The following FREM2 variants were observed in gnomAD, a reference collection of about 807,000 sequenced individuals.
FREM2 encodes FRAS1-related extracellular matrix protein 2.
Under a neutral mutation model 219.9 loss-of-function variants are expected in FREM2, and 119 were observed. The observed-to-expected ratio is 0.54, with a 90% CI of 0.47 to 0.63. FREM2 has a LOEUF of 0.63. Among genes scored for constraint, FREM2 ranks in the 30% least tolerant of loss-of-function variants. FREM2 has a pLI of 0.00. For missense variants in FREM2, 4,030 were observed against 3,993.6 expected (o/e 1.01, Z -0.25); for synonymous variants, 1,562 against 1,522.8 (o/e 1.03, Z -0.60).
chr13:38,726,844 A>G (rs1289936746), intron 2 of FREM2, among the ~76,000 whole-genome samples: 1 of 152,220 alleles, frequency 6.6e-6, no homozygotes, highest in Non-Finnish European at 1.5e-5. Flanking sequence ...CATTATGAAT[A>G]CAATGTACTT....
At chr13:38,826,411 A>G (rs1593431211) in intron 6 of FREM2, among the ~76,000 whole-genome samples, 1 of 152,238 alleles carries the variant, frequency 6.6e-6, no homozygotes, top group Admixed American at 6.5e-5. Context: ...ACAACAACGC[A>G]AGGAAGCAAT....
intron 6 of FREM2, among the ~76,000 whole-genome samples, chr13:38,830,500 A>G (rs1400778491): frequency 6.6e-6 from 1 of 152,176 alleles, no homozygotes; most frequent in Non-Finnish European, 1.5e-5. Context: ...TCCATCCACC[A>G]TGCTTGGTTT....
At chr13:38,793,460 C>T (rs1874642271) in intron 6 of FREM2, among the ~76,000 whole-genome samples, 1 of 152,072 alleles carries the variant, frequency 6.6e-6, no homozygotes, top group Non-Finnish European at 1.5e-5. Flanking sequence ...GGGATGCCTC[C>T]GTGGAACTGA....
intron 2 of FREM2, among the ~76,000 whole-genome samples, chr13:38,760,909 G>C (rs9603418): frequency 1.3e-5 from 2 of 152,002 alleles, no homozygotes; most frequent in Non-Finnish European, 2.9e-5. Flanking sequence ...GAATAAAGGG[G>C]TAGAGAGGGC....
intron 2 of FREM2, among the ~76,000 whole-genome samples, chr13:38,724,630 A>C (rs1164320385): frequency 6.6e-6 from 1 of 152,222 alleles, no homozygotes; most frequent in African/African-American, 2.4e-5. Flanking sequence ...TTAAACAAAA[A>C]AGTAAATTTA....
rs1283687227 is a variant in FREM2, at chr13:38,880,561, A to T, written c.9284A>T (p.Asp3095Val). The T allele has an allele frequency of 5.0e-6, 8 of 1,614,160 alleles. No homozygotes were observed. The highest frequency in any genetic ancestry group is 1.3e-5 in the African/African-American group (1 of 75,062). Residue 3095 changes from aspartate (D) to valine (V), a missense_variant, in exon 24 of 24, where the codon GAT (aspartate) becomes GTT (valine). By Grantham distance (152) the Asp-to-Val change is radical. Around this residue, in one of 2 missense-constraint regions of FREM2, gnomAD observed 928 missense variants for 1,042.9 expected, o/e 0.89. Transcript: ENST00000280481. Reference sequence around the variant, plus strand: ...ATCCCCCATGGGAGAGCACCTCCAGATGGCATCCTCCCCTGGGAGCTCAAC... The same window carrying T: ...ATCCCCCATGGGAGAGCACCTCCAGTTGGCATCCTCCCCTGGGAGCTCAAC... ...RQIPHGRAPP[D>V]GILPWELNSP... is the part of the protein sequence containing the mutation.
intron 2 of FREM2, among the ~76,000 whole-genome samples, chr13:38,718,822 C>A (rs760765558): frequency 3.3e-5 from 5 of 152,206 alleles, no homozygotes; most frequent in Non-Finnish European, 5.9e-5. Context: ...TAGGAAACAG[C>A]ATGTATTAAA....
At chr13:38,736,069 C>T (rs1160357223) in intron 2 of FREM2, among the ~76,000 whole-genome samples, 1 of 152,142 alleles carries the variant, frequency 6.6e-6, no homozygotes, top group African/African-American at 2.4e-5. Context: ...TCAGTGTATC[C>T]TAACCGCCCC....
At chr13:38,720,446 C>G (rs990850488) in intron 2 of FREM2, among the ~76,000 whole-genome samples, 1 of 152,146 alleles carries the variant, frequency 6.6e-6, no homozygotes, top group Non-Finnish European at 1.5e-5. Flanking sequence ...CAGACAGATT[C>G]TAATTGCATC....
intron 6 of FREM2, among the ~76,000 whole-genome samples, chr13:38,844,187 A>G (rs1258106744): frequency 2.0e-5 from 3 of 152,190 alleles, no homozygotes; most frequent in Non-Finnish European, 1.5e-5. Flanking sequence ...ACAATATATT[A>G]TGCAATAGGC....
intron 2 of FREM2, among the ~76,000 whole-genome samples, chr13:38,739,119 G>A (rs1263926168): frequency 6.6e-6 from 1 of 152,142 alleles, no homozygotes; most frequent in Non-Finnish European, 1.5e-5. Flanking sequence ...TGTTGGTGGA[G>A]GGAGTATCAG....
chr13:38,852,543 C>T (rs1847806530), intron 11 of FREM2, among the ~76,000 whole-genome samples: 1 of 151,940 alleles, frequency 6.6e-6, no homozygotes, highest in Non-Finnish European at 1.5e-5. Flanking sequence ...TTAGAGAACA[C>T]CAGCAATCTA....
In FREM2 at chr13:38,688,115, A is replaced by G; in HGVS notation, c.771A>G (p.Lys257=). 1 of 1,613,232 alleles carries G rather than the reference A, an allele frequency of 6.2e-7. No individual in the cohort carries two copies. The highest frequency in any genetic ancestry group is 8.5e-7 in the Non-Finnish European group (1 of 1,179,622). The change falls in exon 1 of 24, where the codon AAA becomes AAG. Residue 257 remains lysine (K), a synonymous_variant. Coordinates refer to ENST00000280481, the MANE Select transcript of FREM2 (RefSeq NM_207361.6). ...CGGAGACTCTCCTGATGGACTGCAA[A>G]GCTTTCCAGGAACTAGGCGTGCGCT... ...GAPETLLMDC[K]AFQELGVRYR...
Position 38,714,373 on chromosome 13 carries a change from TAATTTGTTGATCAAAAA to T in FREM2, c.5263+16587_5263+16603del, listed in dbSNP as rs1401814376. Among the ~76,000 whole-genome samples, 656 of 152,336 alleles carry T rather than the reference TAATTTGTTGATCAAAAA, an allele frequency of 4.3e-3. 11 individuals are homozygous for T. The highest frequency in any genetic ancestry group is 0.015 in the African/African-American group (615 of 41,586). On this transcript the variant is annotated intron_variant, in intron 2 of 23. Transcript: ENST00000280481. ...TCAAATACTTCTGAAAGTGAAGTTATAATTTGTTGATCAAAAACATTCAATTGTATCCTGTCACATTC... is the reference window on the plus strand; with the variant it reads ...TCAAATACTTCTGAAAGTGAAGTTATCATTCAATTGTATCCTGTCACATTC...
intron 6 of FREM2, 83 bp from the exon 7 acceptor site, chr13:38,846,490 C>T (rs1877157408): frequency 2.8e-6 from 4 of 1,428,894 alleles, no homozygotes; most frequent in Non-Finnish European, 3.9e-6. Flanking sequence ...AGAGGAAGCA[C>T]ACTCTTCTTT....
intron 6 of FREM2, among the ~76,000 whole-genome samples, chr13:38,825,713 A>G (rs1279111613): frequency 6.6e-6 from 1 of 152,060 alleles, no homozygotes; most frequent in African/African-American, 2.4e-5. Flanking sequence ...TGTGTCAGCC[A>G]TTTATTAAGC....
chr13:38,835,269 G>T (rs1036178075), intron 6 of FREM2, among the ~76,000 whole-genome samples: 1 of 151,994 alleles, frequency 6.6e-6, no homozygotes, highest in Non-Finnish European at 1.5e-5. Context: ...GATGTATGGC[G>T]TTACTTCTGA....
intron 6 of FREM2, among the ~76,000 whole-genome samples, chr13:38,838,371 TTC>T (rs528143470): frequency 3.3e-5 from 5 of 152,202 alleles, no homozygotes; most frequent in Non-Finnish European, 5.9e-5. Context: ...AACCCAACTT[TTC>T]TCTCTGGCTG....
chr13:38,688,925 G>A lies in FREM2; in HGVS notation c.1581G>A (p.Ser527=), dbSNP rs769424871. The stretch of plus-strand genomic sequence containing the variant: ...ACCAGCATGATGACAGAGACGGCTC[G>A]CTGAGCGACAACCTGGTGCTTCGCA... ...VVYQHDDRDG[S]LSDNLVLRMV... Residue 527 remains serine (S), a synonymous_variant, in exon 1 of 24, where the codon TCG becomes TCA. Coordinates refer to ENST00000280481, the MANE Select transcript of FREM2 (RefSeq NM_207361.6). 1.5e-5 allele frequency: 24 copies of A among 1,612,224 alleles called. No homozygotes were observed. The highest frequency in any genetic ancestry group is 8.4e-5 in the Admixed American group (5 of 59,800).
Sources: gnomAD v4.1 joint callset for allele counts (sites outside exome capture counted in the v4.1 genomes callset) on GRCh38, gnomAD v4.1.1 for gene constraint, gnomAD v4.1.1 regional missense constraint, MANE v1.5 for transcripts, NCBI Gene and HGNC (gene_info 2026-07-23, HGNC 2026-07-21) for gene names.